Variants in AMOT observed in about 807,000 individuals in gnomAD.
AMOT encodes angiomotin.
AMOT carries 11 observed loss-of-function variants against 67.0 expected under a neutral mutation model. That is an observed-to-expected ratio of 0.16 (90% CI 0.10 to 0.27). The LOEUF is 0.27. Ranked by LOEUF, AMOT falls within the 10% of genes least tolerant of loss-of-function variation. AMOT has a pLI of 1.00. For missense variants in AMOT, 753 were observed against 852.0 expected, an observed-to-expected ratio of 0.88 and a Z score of 1.45; for synonymous variants, 326 against 321.4, an observed-to-expected ratio of 1.01 and a Z score of -0.15.
intron 1 of AMOT, among the ~76,000 whole-genome samples, chrX:112,840,234 C>T (rs1381005614): frequency 2.7e-5 from 3 of 111,564 alleles, no homozygotes; most frequent in Non-Finnish European, 1.9e-5. Flanking sequence ...CCACTAGCAT[C>T]TCCTCACCGA....
chrX:112,821,039 A>T (rs1196194385), intron 4 of AMOT, among the ~76,000 whole-genome samples: 2 of 104,239 alleles, frequency 1.9e-5, no homozygotes, highest in Non-Finnish European at 1.9e-5. Flanking sequence ...CAGGACCTGC[A>T]GGGGAAAAAA....
intron 8 of AMOT, among the ~76,000 whole-genome samples, chrX:112,797,864 AAAAG>A (rs1291805671): frequency 9.1e-6 from 1 of 110,249 alleles, no homozygotes; most frequent in African/African-American, 3.3e-5. Context: ...AGAAAAAAAG[AAAAG>A]AAATAGAAAG....
intron 8 of AMOT, among the ~76,000 whole-genome samples, chrX:112,798,919 C>A (rs1933924569): frequency 1.8e-5 from 2 of 111,937 alleles, no homozygotes; most frequent in African/African-American, 6.5e-5. Context: ...CCTTCTGACT[C>A]AGGAAAATCT....
intron 8 of AMOT, among the ~76,000 whole-genome samples, chrX:112,792,366 G>T (rs1933641886): frequency 8.9e-6 from 1 of 112,075 alleles, no homozygotes; most frequent in Admixed American, 9.4e-5. Flanking sequence ...TCTTATTTTG[G>T]TTATTGCATT....
At chrX:112,823,328 T>C in intron 3 of AMOT, 140 bp from the exon 4 acceptor site, 1 of 439,466 alleles carries the variant, frequency 2.3e-6, no homozygotes, top group Non-Finnish European at 3.9e-6. Flanking sequence ...AATAGATTGT[T>C]GGGGATTCCA....
At chrX:112,802,978 C>T (rs147893508) in intron 8 of AMOT, among the ~76,000 whole-genome samples, 3,120 of 111,904 alleles carry the variant, frequency 0.028, 45 homozygotes, top group Non-Finnish European at 0.042. Flanking sequence ...TGGTTGCAGA[C>T]AGTCTGTCCC....
chrX:112,803,480 C>A (rs1934076905), intron 8 of AMOT, among the ~76,000 whole-genome samples: 1 of 112,306 alleles, frequency 8.9e-6, no homozygotes, highest in Non-Finnish European at 1.9e-5. Context: ...AAGTACAAGT[C>A]TTCCTCATTT....
chrX:112,830,195 T>C (rs1050347163), intron 2 of AMOT, among the ~76,000 whole-genome samples: 4 of 112,042 alleles, frequency 3.6e-5, no homozygotes, highest in African/African-American at 1.3e-4. Flanking sequence ...TTTTCCTATG[T>C]GTATTTGGGT....
chrX:112,795,079 A>G (rs1445714501), intron 8 of AMOT, among the ~76,000 whole-genome samples: 1 of 112,120 alleles, frequency 8.9e-6, no homozygotes. Flanking sequence ...CTGCAAGGAT[A>G]CTGCATTTCT....
rs147740146 is a variant in AMOT, at chrX:112,807,827, T to C, written c.1630+2067A>G. Among the ~76,000 whole-genome samples the C allele has an allele frequency of 4.8e-4, 54 of 112,443 alleles. No homozygotes were observed. The East Asian group carries it at 0.014, about 30-fold the overall frequency. ...GAATCTGTAGCTTCAAAACCTTTCA[T>C]TGTGATACAACAGATTCTGTACACT... is the stretch of plus-strand genomic sequence containing the variant. On this transcript the variant is annotated intron_variant, in intron 7 of 13. Coordinates refer to ENST00000371959, the MANE Select transcript of AMOT (RefSeq NM_001113490.2).
chrX:112,776,888 T>TA lies in AMOT; in HGVS notation c.*1678dup, dbSNP rs775318826. The TA allele has an allele frequency of 2.6e-4, 29 of 111,548 alleles. No homozygotes were observed. In the Admixed American group the frequency reaches 2.8e-3, roughly 11 times the overall value. 9.2% of individuals were successfully genotyped at this position (111,548 alleles called of 1,213,427 possible). ...AGATGCCTTTTCATAAAATGGAATT[T>TA]AAAAAAGATAAAGAGTTTCCCAAAA... is the stretch of plus-strand genomic sequence containing the variant. On this transcript the variant is annotated 3_prime_UTR_variant, in exon 14 of 14. Transcript: ENST00000371959.
rs999462110 is a variant in AMOT, at chrX:112,777,742, T to C, written c.*825A>G. The C allele has an allele frequency of 1.8e-5, 2 of 111,943 alleles. No individual in the cohort carries two copies. Among genetic ancestry groups the C allele is most frequent in the East Asian group, 5.6e-4 (2 of 3,556 alleles). 9.2% of individuals were successfully genotyped at this position (111,943 alleles called of 1,213,427 possible). A position where few individuals can be genotyped will look rare whatever the true frequency, so the allele number is the denominator to read the frequency against. Reference sequence around the variant, plus strand: ...CACACAAACCATGGAAGTCTGCATATAGCACCCCATGCAACTCTCCATCAA... The same window carrying C: ...CACACAAACCATGGAAGTCTGCATACAGCACCCCATGCAACTCTCCATCAA... On this transcript the variant is annotated 3_prime_UTR_variant, in exon 14 of 14. Transcript: ENST00000371959.
chrX:112,795,068 G>A (rs1933753407), intron 8 of AMOT, among the ~76,000 whole-genome samples: 1 of 111,958 alleles, frequency 8.9e-6, no homozygotes. Context: ...CCACTGAGTA[G>A]CTGCAAGGAT....
At chrX:112,839,545 G>C (rs1935234302) in intron 1 of AMOT, among the ~76,000 whole-genome samples, 1 of 111,674 alleles carries the variant, frequency 9.0e-6, no homozygotes, top group Non-Finnish European at 1.9e-5. Flanking sequence ...AAACATCCCA[G>C]GTTGTTGAAA....
chrX:112,781,443 C>CA (rs35689399), intron 11 of AMOT, among the ~76,000 whole-genome samples: 1,301 of 27,095 alleles, frequency 0.048, 16 homozygotes, highest in Non-Finnish European at 0.058. Context: ...GACTCCATCT[C>CA]AAAAAAAAAA....
chrX:112,815,853 T>C lies in AMOT; in HGVS notation c.897A>G (p.Pro299=), dbSNP rs1461972536. 1.7e-6 allele frequency: 2 copies of C among 1,166,282 alleles called. No homozygotes were observed. Among genetic ancestry groups the C allele is most frequent in the Admixed American group, 2.6e-5 (1 of 38,638 alleles). ...GAGGCTGCGAGTTCCTGGCTGACAA[T>C]GGCAATGAGATGTCCTGCGCTGGCC... ...AARPAQDISL[P]LSARNSQPHS... is the part of the protein sequence containing the mutation. Residue 299 remains proline, a synonymous_variant, in exon 5 of 14, where the codon CCA becomes CCG. Coordinates refer to ENST00000371959, the MANE Select transcript of AMOT (RefSeq NM_001113490.2).
intron 4 of AMOT, among the ~76,000 whole-genome samples, chrX:112,816,406 A>C (rs1454743274): frequency 3.7e-5 from 4 of 109,308 alleles, no homozygotes; most frequent in East Asian, 2.9e-4. Context: ...ATACATTCAC[A>C]AAAAAAAAGA....
intron 1 of AMOT, among the ~76,000 whole-genome samples, chrX:112,839,995 C>T (rs1231771987): frequency 1.8e-5 from 2 of 111,581 alleles, no homozygotes; most frequent in East Asian, 5.6e-4. Flanking sequence ...CAAGAATTCA[C>T]GGTCCTACCC....
At chrX:112,783,166 A>T (rs1488436593) in intron 10 of AMOT, among the ~76,000 whole-genome samples, 6 of 109,337 alleles carry the variant, frequency 5.5e-5, no homozygotes, top group East Asian at 5.8e-4. Flanking sequence ...ATGGTGGTGC[A>T]CGCCTGTAAT....
Sources: allele counts gnomAD v4.1 joint callset (sites outside exome capture counted in the v4.1 genomes callset), GRCh38; gene constraint gnomAD v4.1.1; transcripts MANE v1.5; gene names NCBI Gene and HGNC (gene_info 2026-07-23, HGNC 2026-07-21).